Variants in PABPC3 observed in about 807,000 individuals in gnomAD.
The protein encoded by PABPC3 is poly(A) binding protein cytoplasmic 3.
In PABPC3, 43 loss-of-function variants were observed where a neutral mutation model predicts 43.0. The ratio of observed to expected loss-of-function variants is 1.00; its 90% CI spans 0.78 to 1.29. The LOEUF is 1.29. Ranked by LOEUF, PABPC3 falls within the 50% of genes most tolerant of loss-of-function variation. The pLI is 0.00. For synonymous variants in PABPC3, 221 were observed against 274.6 expected (o/e 0.80, Z 1.93); for missense variants, 784 against 798.1 (o/e 0.98, Z 0.21).
Position 25,096,170 on chromosome 13 carries a change from T to C in PABPC3, c.-29T>C. Reference sequence around the variant, plus strand: ...ACTCCTGTAACGGAAAGGTCGCGGCTTGTGTGCCTGCGGGCAGCCGTGCCG... The same window carrying C: ...ACTCCTGTAACGGAAAGGTCGCGGCCTGTGTGCCTGCGGGCAGCCGTGCCG... On this transcript the variant is annotated 5_prime_UTR_variant, in exon 1 of 1. Coordinates refer to ENST00000281589, the MANE Select transcript of PABPC3 (RefSeq NM_030979.3). 7 of 1,595,222 alleles carry C rather than the reference T, an allele frequency of 4.4e-6. No homozygotes were observed. Among genetic ancestry groups the C allele is most frequent in the Non-Finnish European group, 6.0e-6 (7 of 1,169,468 alleles).
In PABPC3 at chr13:25,096,627, A is replaced by G. The variant is rs113684394; in HGVS notation, c.429A>G (p.Val143=). 4,208 of 1,614,268 alleles carry G rather than the reference A, an allele frequency of 2.6e-3. 42 individuals carry two copies. Among genetic ancestry groups the G allele is most frequent in the South Asian group, 0.015 (1,398 of 91,090 alleles). The change falls in exon 1 of 1, where the codon GTA becomes GTG. Residue 143 remains valine (V), a synonymous_variant. Coordinates refer to ENST00000281589, the MANE Select transcript of PABPC3 (RefSeq NM_030979.3). ...ATGGTTCCAAGGGTTATGGATTTGT[A>G]CACTTTGAGACACACGAAGCAGCTG... is the stretch of plus-strand genomic sequence containing the variant. ...DENGSKGYGF[V]HFETHEAAER... is the part of the protein sequence containing the mutation.
chr13:25,098,468 T>A lies in PABPC3; in HGVS notation c.*374T>A. 1 of 193,700 alleles carries A rather than the reference T, an allele frequency of 5.2e-6. No homozygotes were observed. The allele number at this position is 193,700 out of a possible 1,614,324, so 12.0% of individuals were successfully genotyped here. A position where few individuals can be genotyped will look rare whatever the true frequency, so the allele number is the denominator to read the frequency against. On this transcript the variant is annotated 3_prime_UTR_variant, in exon 1 of 1. Transcript: ENST00000281589. ...TTCTTTACTGTGGAATAGCTCAAAA[T>A]GTCCATTCTGTTTTAAGTAACAGAA...
chr13:25,096,660 T>C lies in PABPC3; in HGVS notation c.462T>C (p.Ala154=). Reference sequence around the variant, plus strand: ...AGACACACGAAGCAGCTGAAAGAGCTATTAAAAAAATGAACGGAATGCTCC... The same window carrying C: ...AGACACACGAAGCAGCTGAAAGAGCCATTAAAAAAATGAACGGAATGCTCC... ...HFETHEAAER[A]IKKMNGMLLN... The change falls in exon 1 of 1, where the codon GCT becomes GCC. Residue 154 remains alanine (A), a synonymous_variant. Transcript: ENST00000281589. 2 of 1,608,454 alleles carry C rather than the reference T, an allele frequency of 1.2e-6. No homozygotes were observed. The highest frequency in any genetic ancestry group is 1.7e-6 in the Non-Finnish European group (2 of 1,177,558).
rs1436998442 is a variant in PABPC3, at chr13:25,098,895, G to C, written c.*801G>C. On this transcript the variant is annotated 3_prime_UTR_variant, in exon 1 of 1. Coordinates refer to ENST00000281589, the MANE Select transcript of PABPC3 (RefSeq NM_030979.3). ...CAGAGATAATCACTTTTAATCATTT[G>C]GTTTTAGTGTTTCTGGTAGTTGATT... The C allele has an allele frequency of 1.2e-5, 2 of 166,658 alleles. No homozygotes were observed. The highest frequency in any genetic ancestry group is 2.9e-5 in the Non-Finnish European group (2 of 67,982). The allele number at this position is 166,658 out of a possible 1,614,324, so 10.3% of individuals were successfully genotyped here.
At position 25,097,803 on chromosome 13, in the gene PABPC3, A is replaced by C. The variant is rs140585797; in HGVS notation, c.1605A>C (p.Gln535His). 4,489 of 1,614,142 alleles carry C rather than the reference A, an allele frequency of 2.8e-3. 10 individuals are homozygous for C. Among genetic ancestry groups the C allele is most frequent in the South Asian group, 8.2e-3 (745 of 91,086 alleles). Reference protein sequence around the residue: ...VTMQQLAVHVQGQETLTASRL... With the variant: ...VTMQQLAVHVHGQETLTASRL... ...TGCAACAGCTTGCTGTTCATGTACA[A>C]GGTCAGGAAACTTTGACTGCCTCCA... The change falls in exon 1 of 1, where the codon CAA (glutamine) becomes CAC (histidine). Residue 535 changes from glutamine to histidine, a missense_variant. Physicochemically the swap from Gln to His is conservative, Grantham distance 24 (BLOSUM62 0). Coordinates refer to ENST00000281589, the MANE Select transcript of PABPC3 (RefSeq NM_030979.3).
rs1482944803 is a variant in PABPC3 at position 25,099,039 on chromosome 13, C to T, written c.*945C>T. On this transcript the variant is annotated 3_prime_UTR_variant, in exon 1 of 1. Coordinates refer to ENST00000281589, the MANE Select transcript of PABPC3 (RefSeq NM_030979.3). ...CATCTACCTCTTCCCACCATCCCTC[C>T]TCCTCCTCCCAATATAATTTATCAC... 1.2e-5 allele frequency: 2 copies of T among 166,682 alleles called. No homozygotes were observed. The highest frequency in any genetic ancestry group is 4.8e-5 in the African/African-American group (2 of 41,420). 10.3% of individuals were successfully genotyped at this position (166,682 alleles called of 1,614,324 possible).
rs1465513673 is a variant in PABPC3, at chr13:25,097,108, G to A, written c.910G>A (p.Gly304Ser). 5.0e-6 allele frequency: 8 copies of A among 1,614,306 alleles called. No individual in the cohort carries two copies. Among genetic ancestry groups the A allele is most frequent in the East Asian group, 2.2e-5 (1 of 44,896 alleles). ...VNLYVKNLDD[G>S]IDDERLRKAF... ...TCTTTATGTGAAAAATCTTGATGAT[G>A]GTATTGATGATGAACGTCTCCGGAA... Residue 304 changes from glycine to serine, a missense_variant, in exon 1 of 1, where the codon GGT becomes AGT. Physicochemically the swap from Gly to Ser is moderately conservative, Grantham distance 56. Transcript: ENST00000281589.
In PABPC3 at chr13:25,098,160, A is replaced by T; in HGVS notation, c.*66A>T. 3 of 1,412,508 alleles carry T rather than the reference A, an allele frequency of 2.1e-6. No homozygotes were observed. The highest frequency in any genetic ancestry group is 2.9e-6 in the Non-Finnish European group (3 of 1,023,328). The allele number at this position is 1,412,508 out of a possible 1,614,324, so 87.5% of individuals were successfully genotyped here. A position where few individuals can be genotyped will look rare whatever the true frequency, so the allele number is the denominator to read the frequency against. On this transcript the variant is annotated 3_prime_UTR_variant, in exon 1 of 1. Coordinates refer to ENST00000281589, the MANE Select transcript of PABPC3 (RefSeq NM_030979.3). ...AAGAAAAATATCTAAACATCGAGAAACTATGGGAAAAAAAATTGCAAAATC... is the reference window on the plus strand; with the variant it reads ...AAGAAAAATATCTAAACATCGAGAATCTATGGGAAAAAAAATTGCAAAATC...
Position 25,097,837 on chromosome 13 carries a change from T to A in PABPC3, c.1639T>A (p.Ser547Thr). The change falls in exon 1 of 1, where the codon TCT becomes ACT. Residue 547 changes from serine (S) to threonine (T), a missense_variant. Ser to Thr is a moderately conservative substitution (Grantham distance 58). Coordinates refer to ENST00000281589, the MANE Select transcript of PABPC3 (RefSeq NM_030979.3). ...AACTTTGACTGCCTCCAGGTTGGCA[T>A]CTGCCCCTCCTCAAAAGCAAAAGCA... ...QETLTASRLA[S>T]APPQKQKQML... 6 of 1,614,046 alleles carry A rather than the reference T, an allele frequency of 3.7e-6. No homozygotes were observed. Among genetic ancestry groups the A allele is most frequent in the Non-Finnish European group, 4.2e-6 (5 of 1,179,894 alleles).
chr13:25,097,941 G>A lies in PABPC3; in HGVS notation c.1743G>A (p.Leu581=). ...TLAGKITGML[L]EIDNSELLYM... ...CTGGGAAAATCACTGGCATGTTGTTGGAGATTGATAATTCAGAACTTCTTT... is the reference window on the plus strand; with the variant it reads ...CTGGGAAAATCACTGGCATGTTGTTAGAGATTGATAATTCAGAACTTCTTT... The change falls in exon 1 of 1, where the codon TTG becomes TTA. Residue 581 remains leucine (L), a synonymous_variant. Transcript: ENST00000281589. 6.2e-7 allele frequency: 1 copy of A among 1,613,984 alleles called. No individual in the cohort carries two copies. The highest frequency in any genetic ancestry group is 8.5e-7 in the Non-Finnish European group (1 of 1,179,862).
Position 25,096,175 on chromosome 13 carries a change from T to G in PABPC3, c.-24T>G. 1 of 1,597,554 alleles carries G rather than the reference T, an allele frequency of 6.3e-7. No individual in the cohort carries two copies. The highest frequency in any genetic ancestry group is 1.1e-5 in the South Asian group (1 of 88,532). ...TGTAACGGAAAGGTCGCGGCTTGTG[T>G]GCCTGCGGGCAGCCGTGCCGAGAAT... On this transcript the variant is annotated 5_prime_UTR_variant, in exon 1 of 1. Coordinates refer to ENST00000281589, the MANE Select transcript of PABPC3 (RefSeq NM_030979.3).
In PABPC3 at chr13:25,096,146, C is replaced by T. The variant is rs1344365729; in HGVS notation, c.-53C>T. 12 of 1,561,120 alleles carry T rather than the reference C, an allele frequency of 7.7e-6. No individual in the cohort carries two copies. The highest frequency in any genetic ancestry group is 1.0e-5 in the Non-Finnish European group (12 of 1,148,964). Reference sequence around the variant, plus strand: ...GCCCCCGGCCCCGGCACGCGCTCTACTCCTGTAACGGAAAGGTCGCGGCTT... The same window carrying T: ...GCCCCCGGCCCCGGCACGCGCTCTATTCCTGTAACGGAAAGGTCGCGGCTT... On this transcript the variant is annotated 5_prime_UTR_variant, in exon 1 of 1. Transcript: ENST00000281589.
At position 25,098,182 on chromosome 13, in the gene PABPC3, A is replaced by C; in HGVS notation, c.*88A>C. 6 of 1,230,546 alleles carry C rather than the reference A, an allele frequency of 4.9e-6. No homozygotes were observed. Among genetic ancestry groups the C allele is most frequent in the Non-Finnish European group, 5.8e-6 (5 of 860,890 alleles). The allele number at this position is 1,230,546 out of a possible 1,614,324, so 76.2% of individuals were successfully genotyped here. A position where few individuals can be genotyped will look rare whatever the true frequency, so the allele number is the denominator to read the frequency against. Reference sequence around the variant, plus strand: ...GAAACTATGGGAAAAAAAATTGCAAAATCTAAAATAAAAAATGCAAAATCT... The same window carrying C: ...GAAACTATGGGAAAAAAAATTGCAACATCTAAAATAAAAAATGCAAAATCT... On this transcript the variant is annotated 3_prime_UTR_variant, in exon 1 of 1. Transcript: ENST00000281589.
rs1323545625 is a variant in PABPC3 at position 25,097,387 on chromosome 13, G to C, written c.1189G>C (p.Ala397Pro). 1.2e-6 allele frequency: 2 copies of C among 1,613,136 alleles called. No homozygotes were observed. The highest frequency in any genetic ancestry group is 1.7e-6 in the Non-Finnish European group (2 of 1,179,814). The part of the protein sequence containing the change: ...ASVRAVPNQR[A>P]PPSGYFMTAV... ...TGTACGAGCTGTGCCCAACCAGCGA[G>C]CACCTCCTTCAGGTTACTTCATGAC... Residue 397 changes from alanine (A) to proline (P), a missense_variant, in exon 1 of 1, where the codon GCA (alanine) becomes CCA (proline). Ala to Pro is a conservative substitution (Grantham distance 27, BLOSUM62 -1). Transcript: ENST00000281589.
Position 25,096,359 on chromosome 13 carries a change from A to G in PABPC3, c.161A>G (p.Tyr54Cys). The G allele has an allele frequency of 6.2e-7, 1 of 1,614,088 alleles. No individual in the cohort carries two copies. The highest frequency in any genetic ancestry group is 8.5e-7 in the Non-Finnish European group (1 of 1,180,024). The change falls in exon 1 of 1, where the codon TAC becomes TGC. Residue 54 changes from tyrosine (Y) to cysteine (C), a missense_variant. By Grantham distance (194) the Tyr-to-Cys change is radical (BLOSUM62 -2). Coordinates refer to ENST00000281589, the MANE Select transcript of PABPC3 (RefSeq NM_030979.3). ...TTGATCACCAGCGGCTCCTCCAACTACGCGTATGTGAACTTCCAGCATACG... is the reference window on the plus strand; with the variant it reads ...TTGATCACCAGCGGCTCCTCCAACTGCGCGTATGTGAACTTCCAGCATACG... ...RDLITSGSSNYAYVNFQHTKD... is the reference protein window; with the variant it reads ...RDLITSGSSNCAYVNFQHTKD...
chr13:25,096,889 A>C lies in PABPC3; in HGVS notation c.691A>C (p.Lys231Gln). 6.4e-7 allele frequency: 1 copy of C among 1,564,596 alleles called. No homozygotes were observed. The highest frequency in any genetic ancestry group is 8.8e-7 in the Non-Finnish European group (1 of 1,139,982). Residue 231 changes from lysine (K) to glutamine (Q), a missense_variant, in exon 1 of 1, where the codon AAA becomes CAA. Physicochemically the swap from Lys to Gln is moderately conservative, Grantham distance 53. Coordinates refer to ENST00000281589, the MANE Select transcript of PABPC3 (RefSeq NM_030979.3). ...AATGACCGATGAAAGTGGAAAATCC[A>C]AAGGATTTGGATTTGTAAGCTTTGA... ...KVMTDESGKS[K>Q]GFGFVSFERH... is the part of the protein sequence containing the mutation.
Position 25,097,103 on chromosome 13 carries a change from A to G in PABPC3, c.905A>G (p.Asp302Gly). The change falls in exon 1 of 1, where the codon GAT (aspartate) becomes GGT (glycine). Residue 302 changes from aspartate to glycine, a missense_variant. Transcript: ENST00000281589. ...QVVNLYVKNL[D>G]DGIDDERLRK... ...GTTAATCTTTATGTGAAAAATCTTG[A>G]TGATGGTATTGATGATGAACGTCTC... 2 of 1,614,312 alleles carry G rather than the reference A, an allele frequency of 1.2e-6. No individual in the cohort carries two copies. Among genetic ancestry groups the G allele is most frequent in the Non-Finnish European group, 1.7e-6 (2 of 1,180,058 alleles).
At position 25,097,652 on chromosome 13, in the gene PABPC3, G is replaced by T; in HGVS notation, c.1454G>T (p.Gly485Val). 1.2e-6 allele frequency: 2 copies of T among 1,614,100 alleles called. No individual in the cohort carries two copies. The highest frequency in any genetic ancestry group is 1.7e-6 in the Non-Finnish European group (2 of 1,179,956). The stretch of plus-strand genomic sequence containing the variant: ...GCTAACACATCAACACAGACAGTGG[G>T]TCCACGTCCTGCAGCTGCTGCTGCT... Reference protein sequence around the residue: ...RVANTSTQTVGPRPAAAAAAA... With the variant: ...RVANTSTQTVVPRPAAAAAAA... The change falls in exon 1 of 1, where the codon GGT (glycine) becomes GTT (valine). Residue 485 changes from glycine (G) to valine (V), a missense_variant. Physicochemically the swap from Gly to Val is moderately radical, Grantham distance 109. Coordinates refer to ENST00000281589, the MANE Select transcript of PABPC3 (RefSeq NM_030979.3).
In PABPC3 at chr13:25,098,172, A is replaced by G. The variant is rs1956058906; in HGVS notation, c.*78A>G. The stretch of plus-strand genomic sequence containing the variant: ...TAAACATCGAGAAACTATGGGAAAA[A>G]AAATTGCAAAATCTAAAATAAAAAA... On this transcript the variant is annotated 3_prime_UTR_variant, in exon 1 of 1. Coordinates refer to ENST00000281589, the MANE Select transcript of PABPC3 (RefSeq NM_030979.3). The G allele has an allele frequency of 7.5e-7, 1 of 1,336,748 alleles. No individual in the cohort carries two copies. Among genetic ancestry groups the G allele is most frequent in the South Asian group, 1.3e-5 (1 of 77,590 alleles). The allele number at this position is 1,336,748 out of a possible 1,614,324, so 82.8% of individuals were successfully genotyped here.
Sources: allele counts gnomAD v4.1 joint callset, GRCh38; gene constraint gnomAD v4.1.1; transcripts MANE v1.5; gene names NCBI Gene and HGNC (gene_info 2026-07-23, HGNC 2026-07-21).